The following ZC3H18 variants were observed in gnomAD, a reference collection of about 807,000 sequenced individuals.
ZC3H18 encodes the protein zinc finger CCCH domain-containing protein 18.
Under a neutral mutation model 106.1 loss-of-function variants are expected in ZC3H18, and 8 were observed. That is an observed-to-expected ratio of 0.08 (90% CI 0.04 to 0.14). The LOEUF is 0.14. ZC3H18 is among the 10% of genes least tolerant of loss of function. The pLI is 1.00. For synonymous variants in ZC3H18, 635 were observed against 522.1 expected (o/e 1.22, Z -2.95); for missense variants, 1,318 against 1,278.4 (o/e 1.03, Z -0.47).
intron 1 of ZC3H18, among the ~76,000 whole-genome samples, chr16:88,570,976 G>C (rs1322173084): frequency 6.6e-6 from 1 of 152,208 alleles, no homozygotes; most frequent in Non-Finnish European, 1.5e-5. Flanking sequence ...TGGGCTCTTC[G>C]GAGAACTTTG....
rs572335565 is a variant in ZC3H18 at position 88,570,439 on chromosome 16, G to C, written c.-142G>C. ...ATGGCCGGCCCCCGCGGGTAGTGGA[G>C]CCCGTTTGTTCCGCCCGTGTCGAGC... On this transcript the variant is annotated 5_prime_UTR_variant, in exon 1 of 18. Coordinates refer to ENST00000301011, the MANE Select transcript of ZC3H18 (RefSeq NM_144604.4). 1.1e-4 allele frequency: 16 copies of C among 151,898 alleles called. No homozygotes were observed. Among genetic ancestry groups the C allele is most frequent in the East Asian group, 3.9e-4 (2 of 5,138 alleles). The allele number at this position is 151,898 out of a possible 1,614,324, so 9.4% of individuals were successfully genotyped here. A position where few individuals can be genotyped will look rare whatever the true frequency, so the allele number is the denominator to read the frequency against.
intron 1 of ZC3H18, among the ~76,000 whole-genome samples, chr16:88,574,517 GT>G (rs769824256): frequency 1.3e-5 from 2 of 151,278 alleles, no homozygotes; most frequent in East Asian, 1.9e-4. Context: ...CCAGATTTGG[GT>G]TTTTTTGGCT....
At chr16:88,601,550 T>C (rs938562780) in intron 6 of ZC3H18, among the ~76,000 whole-genome samples, 4 of 151,512 alleles carry the variant, frequency 2.6e-5, no homozygotes, top group Non-Finnish European at 5.9e-5. Context: ...TACCTATCAG[T>C]GTTGGTTACA....
intron 3 of ZC3H18, chr16:88,587,533 C>G (rs750639973): frequency 6.5e-7 from 1 of 1,535,882 alleles, no homozygotes; most frequent in Non-Finnish European, 8.7e-7. Flanking sequence ...TCCTGTACTT[C>G]TTTTCCAGAT....
intron 6 of ZC3H18, among the ~76,000 whole-genome samples, chr16:88,603,391 C>T (rs1904849313): frequency 6.6e-6 from 1 of 151,550 alleles, no homozygotes; most frequent in Non-Finnish European, 1.5e-5. Context: ...GAGGCCAAAG[C>T]GGACGGATTG....
At chr16:88,583,894 A>G (rs1915285710) in intron 2 of ZC3H18, among the ~76,000 whole-genome samples, 1 of 152,114 alleles carries the variant, frequency 6.6e-6, no homozygotes, top group Non-Finnish European at 1.5e-5. Flanking sequence ...CTCGGGTCAC[A>G]TGAGCAGAAG....
intron 1 of ZC3H18, among the ~76,000 whole-genome samples, chr16:88,575,758 G>C (rs1914709292): frequency 6.6e-6 from 1 of 151,878 alleles, no homozygotes; most frequent in Admixed American, 6.6e-5. Flanking sequence ...CTGTTGCCCA[G>C]GCTGAAGCAC....
At chr16:88,623,517 C>G in intron 10 of ZC3H18, 173 bp downstream of exon 10, 1 of 839,870 alleles carries the variant, frequency 1.2e-6, no homozygotes, top group Non-Finnish European at 1.8e-6. Context: ...AAACACCAGC[C>G]TTGCGGGCCC....
chr16:88,620,959 G>C (rs1370874774), intron 8 of ZC3H18, among the ~76,000 whole-genome samples: 1 of 151,744 alleles, frequency 6.6e-6, no homozygotes, highest in Non-Finnish European at 1.5e-5. Context: ...TCTGCCTCCT[G>C]GGTTCAAACC....
chr16:88,629,951 G>A (rs1184438762), intron 16 of ZC3H18, among the ~76,000 whole-genome samples: 1 of 152,258 alleles, frequency 6.6e-6, no homozygotes, highest in African/African-American at 2.4e-5. Flanking sequence ...CCCAGGGCCT[G>A]TGCCCTGTGT....
At position 88,622,282 on chromosome 16, in the gene ZC3H18, C is replaced by A; in HGVS notation, c.1561C>A (p.Arg521=). 3 of 1,614,122 alleles carry A rather than the reference C, an allele frequency of 1.9e-6. No homozygotes were observed. Among genetic ancestry groups the A allele is most frequent in the Non-Finnish European group, 2.5e-6 (3 of 1,179,998 alleles). ...RADEWKDPWR[R]SKSPKKKLGV... is the part of the protein sequence containing the mutation. The stretch of plus-strand genomic sequence containing the variant: ...AGATGAGTGGAAGGACCCTTGGCGC[C>A]GATCCAAGTCTCCCAAGAAGAAACT... The change falls in exon 9 of 18, where the codon CGA becomes AGA. Residue 521 remains arginine (R), a synonymous_variant. Coordinates refer to ENST00000301011, the MANE Select transcript of ZC3H18 (RefSeq NM_144604.4).
At chr16:88,625,100 C>G (rs1567599509) in intron 12 of ZC3H18, 102 bp from the exon 13 acceptor site, 1 of 1,369,718 alleles carries the variant, frequency 7.3e-7, no homozygotes, top group African/African-American at 1.4e-5. Context: ...GGTAGCAAGG[C>G]CAGTCTGGAG....
At position 88,624,631 on chromosome 16, in the gene ZC3H18, C is replaced by T; in HGVS notation, c.1928C>T (p.Pro643Leu). The change falls in exon 12 of 18, where the codon CCT becomes CTT. Residue 643 changes from proline to leucine, a missense_variant. Physicochemically the swap from Pro to Leu is moderately conservative, Grantham distance 98 (BLOSUM62 -3). This residue lies in a region of ZC3H18 where 848 missense variants were observed against 821.7 expected (regional missense o/e 1.03). Coordinates refer to ENST00000301011, the MANE Select transcript of ZC3H18 (RefSeq NM_144604.4). Reference protein sequence around the residue: ...GEKSVKKPAPPPAPPQATKTT... With the variant: ...GEKSVKKPAPLPAPPQATKTT... ...AAGTCAGTGAAGAAGCCGGCCCCGC[C>T]TCCAGCCCCACCACAGGCCACCAAA... 1.9e-6 allele frequency: 3 copies of T among 1,613,978 alleles called. No individual in the cohort carries two copies. The highest frequency in any genetic ancestry group is 2.5e-6 in the Non-Finnish European group (3 of 1,180,002).
chr16:88,620,890 G>C (rs1258987775), intron 8 of ZC3H18, among the ~76,000 whole-genome samples: 1 of 152,116 alleles, frequency 6.6e-6, no homozygotes, highest in Non-Finnish European at 1.5e-5. Context: ...TTTTATAATG[G>C]AGTCTCACTC....
chr16:88,623,131 G>T (rs1906073512), intron 9 of ZC3H18, 88 bp from the exon 10 acceptor site: 2 of 1,529,842 alleles, frequency 1.3e-6, no homozygotes, highest in Admixed American at 3.9e-5. Flanking sequence ...GCGTCTGTGG[G>T]TGTGTAGCTG....
At chr16:88,616,474 T>G (rs1905612851) in intron 8 of ZC3H18, among the ~76,000 whole-genome samples, 1 of 152,198 alleles carries the variant, frequency 6.6e-6, no homozygotes, top group South Asian at 2.1e-4. Flanking sequence ...TTCCGGGTGC[T>G]GGGGAGTCCC....
intron 1 of ZC3H18, among the ~76,000 whole-genome samples, chr16:88,574,020 C>T (rs1171543570): frequency 6.6e-6 from 1 of 151,754 alleles, no homozygotes; most frequent in East Asian, 1.9e-4. Context: ...ATTACAGATG[C>T]CCACCACCAT....
chr16:88,627,891 C>T lies in ZC3H18; in HGVS notation c.2270-29C>T. On this transcript the variant is annotated intron_variant, in intron 14 of 17. Coordinates refer to ENST00000301011, the MANE Select transcript of ZC3H18 (RefSeq NM_144604.4). The surrounding 1 kb of genome is among the most constrained non-coding windows in gnomAD (Gnocchi z 4.5). ...GTGGCCATGGGAAAATCACCAGTAC[C>T]CCCATGACTGCGGATTTATCATTGG... 1 of 1,613,586 alleles carries T rather than the reference C, an allele frequency of 6.2e-7. No homozygotes were observed. The highest frequency in any genetic ancestry group is 8.5e-7 in the Non-Finnish European group (1 of 1,179,950).
intron 1 of ZC3H18, among the ~76,000 whole-genome samples, chr16:88,572,849 C>T (rs1313374287): frequency 2.0e-5 from 3 of 152,032 alleles, no homozygotes; most frequent in Non-Finnish European, 4.4e-5. Context: ...CCTCCTCCTC[C>T]TGGGTTCAAG....
Sources: allele counts gnomAD v4.1 joint callset (sites outside exome capture counted in the v4.1 genomes callset), GRCh38; gene constraint gnomAD v4.1.1; regional missense constraint gnomAD v4.1.1; non-coding constraint Gnocchi (gnomAD v3.1); transcripts MANE v1.5; gene names NCBI Gene and HGNC (gene_info 2026-07-23, HGNC 2026-07-21).